Variants in CLCN4 observed in about 807,000 individuals in gnomAD.
CLCN4 encodes the protein Cl-/H+ antiporter 4, also known as H(+)/Cl(-) exchange transporter 4.
CLCN4 carries 1 observed loss-of-function variant against 41.7 expected under a neutral mutation model. The observed-to-expected ratio is 0.02, with a 90% CI of 0.01 to 0.11. The LOEUF (loss-of-function observed/expected upper bound fraction) is 0.11. Ranked by LOEUF, CLCN4 falls within the 10% of genes least tolerant of loss-of-function variation. The pLI is 1.00. For synonymous variants in CLCN4, 277 were observed against 285.8 expected, an observed-to-expected ratio of 0.97 and a Z score of 0.31; for missense variants, 287 against 661.0, an observed-to-expected ratio of 0.43 and a Z score of 6.20.
Position 10,185,045 on chromosome X carries a change from G to T in CLCN4, c.13G>T (p.Gly5Ter). 8.3e-7 allele frequency: 1 copy of T among 1,207,835 alleles called. No individual in the cohort carries two copies. Among genetic ancestry groups the T allele is most frequent in the South Asian group, 1.8e-5 (1 of 56,466 alleles). The part of the protein sequence containing the change: MVNA[G>*]AMSGSGNLMD... ...AGGTGTAATTAGCATGGTCAATGCG[G>T]GAGCGATGAGTGGCTCTGGAAACCT... The change falls in exon 3 of 13, where the codon GGA (glycine) becomes TGA (stop). Residue 5 changes from glycine to a stop codon, truncating the protein, a stop_gained. Transcript: ENST00000380833. LOFTEE classifies it high-confidence loss of function.
intron 2 of CLCN4, among the ~76,000 whole-genome samples, chrX:10,167,186 G>A (rs1923273193): frequency 8.9e-6 from 1 of 112,223 alleles, no homozygotes; most frequent in Admixed American, 9.4e-5. Flanking sequence ...CCTTGGTCGT[G>A]TGGCCCTCCA....
intron 2 of CLCN4, among the ~76,000 whole-genome samples, chrX:10,169,791 C>T (rs200651321): frequency 0.13 from 7,627 of 58,291 alleles, 274 homozygotes; most frequent in Middle Eastern, 0.21. Context: ...CTTTTCTTTT[C>T]TTTTTTTTTT....
intron 6 of CLCN4, among the ~76,000 whole-genome samples, chrX:10,206,011 CAA>C (rs1924378838): frequency 9.1e-6 from 1 of 110,490 alleles, no homozygotes; most frequent in African/African-American, 3.3e-5. Flanking sequence ...ATTTCAGAGT[CAA>C]AAGTTAACAG....
At chrX:10,221,783 C>T (rs1209851242) in intron 12 of CLCN4, among the ~76,000 whole-genome samples, 2 of 112,395 alleles carry the variant, frequency 1.8e-5, no homozygotes, top group Non-Finnish European at 3.8e-5. Flanking sequence ...CAAGCTGTGC[C>T]ACTTCCGAAT....
At position 10,235,542 on chromosome X, in the gene CLCN4, C is replaced by T. The variant is rs967748288; in HGVS notation, c.*1958C>T. On this transcript the variant is annotated 3_prime_UTR_variant, in exon 13 of 13. Coordinates refer to ENST00000380833, the MANE Select transcript of CLCN4 (RefSeq NM_001830.4). ...TAAACCCCTGTGAATGTTCTTCTAA[C>T]CTTCCTGTTCCCCACCCCTTTTCTC... The T allele has an allele frequency of 7.2e-5, 8 of 111,827 alleles. No homozygotes were observed. Among genetic ancestry groups the T allele is most frequent in the African/African-American group, 2.6e-4 (8 of 30,758 alleles). 9.2% of individuals were successfully genotyped at this position (111,827 alleles called of 1,213,427 possible). A position where few individuals can be genotyped will look rare whatever the true frequency, so the allele number is the denominator to read the frequency against.
chrX:10,185,916 G>A (rs1923799024), intron 3 of CLCN4, among the ~76,000 whole-genome samples: 1 of 111,605 alleles, frequency 9.0e-6, no homozygotes, highest in African/African-American at 3.3e-5. Context: ...ATAAAGATGC[G>A]CTGCAAAGGG....
chrX:10,195,330 T>C (rs1414628715), intron 5 of CLCN4, among the ~76,000 whole-genome samples: 3 of 111,055 alleles, frequency 2.7e-5, no homozygotes, highest in Non-Finnish European at 5.7e-5. Context: ...TATATATATA[T>C]ACACTTTAAG....
chrX:10,208,680 A>G (rs1602157647), intron 9 of CLCN4, 90 bp downstream of exon 9: 2 of 846,284 alleles, frequency 2.4e-6, no homozygotes, highest in East Asian at 6.4e-5. Context: ...GGTGGGAAAA[A>G]AAGGGGAACT....
chrX:10,183,031 CTT>C (rs1923724906), intron 2 of CLCN4, among the ~76,000 whole-genome samples: 1 of 112,123 alleles, frequency 8.9e-6, no homozygotes, highest in African/African-American at 3.2e-5. Context: ...CAAGGGCTCT[CTT>C]GGAGGGTCAA....
intron 2 of CLCN4, among the ~76,000 whole-genome samples, chrX:10,174,244 C>T (rs1602140459): frequency 8.9e-6 from 1 of 112,286 alleles, no homozygotes; most frequent in Admixed American, 9.4e-5. Flanking sequence ...GCATGGGTCC[C>T]ACGCTCATCC....
intron 11 of CLCN4, among the ~76,000 whole-genome samples, chrX:10,214,341 G>A (rs1924650879): frequency 8.9e-6 from 1 of 112,788 alleles, no homozygotes; most frequent in African/African-American, 3.2e-5. Context: ...TAAGGAAAAA[G>A]GCTTTAAACC....
intron 2 of CLCN4, among the ~76,000 whole-genome samples, chrX:10,166,418 G>C (rs767425683): frequency 5.4e-5 from 6 of 111,798 alleles, no homozygotes; most frequent in Non-Finnish European, 1.1e-4. Flanking sequence ...GGATGCATGA[G>C]AGCGCGACCC....
At chrX:10,211,710 C>T (rs182186990) in intron 9 of CLCN4, among the ~76,000 whole-genome samples, 26 of 111,853 alleles carry the variant, frequency 2.3e-4, no homozygotes, top group African/African-American at 8.1e-4. Context: ...GTCATTTCAG[C>T]GAACACAGGG....
In CLCN4 at chrX:10,217,278, T is replaced by C. The variant is rs147468617; in HGVS notation, c.1975+3199T>C. On this transcript the variant is annotated intron_variant, in intron 11 of 12. Coordinates refer to ENST00000380833, the MANE Select transcript of CLCN4 (RefSeq NM_001830.4). ...ACCATGCCTGGCTAAGCATTTTTAA[T>C]TAACAGGATGATAGACTATTACTTC... Among the ~76,000 whole-genome samples the C allele has an allele frequency of 1.1e-3, 122 of 109,876 alleles. 1 individual carries two copies. Among genetic ancestry groups the C allele is most frequent in the Non-Finnish European group, 2.2e-3 (117 of 52,690 alleles).
intron 10 of CLCN4, 92 bp from the exon 11 acceptor site, chrX:10,213,589 A>T: frequency 1.2e-6 from 1 of 842,940 alleles, no homozygotes; most frequent in South Asian, 2.3e-5. Context: ...GTGTGAGGGG[A>T]ATTTACAGCC....
intron 12 of CLCN4, among the ~76,000 whole-genome samples, chrX:10,228,624 C>T (rs139052312): frequency 1.4e-4 from 16 of 111,482 alleles, no homozygotes; most frequent in African/African-American, 3.3e-4. Flanking sequence ...CCCATGCTGA[C>T]GGTGTATTAT....
intron 2 of CLCN4, among the ~76,000 whole-genome samples, chrX:10,163,879 G>A (rs1308304581): frequency 1.8e-5 from 2 of 112,438 alleles, no homozygotes; most frequent in African/African-American, 6.5e-5. Flanking sequence ...CTAGATGCCA[G>A]TGGCACCCCA....
rs770837461 is a variant in CLCN4 at position 10,206,570 on chromosome X, C to T, written c.762+6C>T. ...ATGAGGGCAAGAGGCGGGAGGTGAG[C>T]CAGCTCAGCTTCCATCTGCAGCGAA... On this transcript the variant is annotated splice_donor_region_variant and intron_variant, in intron 7 of 12. Transcript: ENST00000380833. The T allele has an allele frequency of 8.3e-7, 1 of 1,208,183 alleles. No individual in the cohort carries two copies. The highest frequency in any genetic ancestry group is 1.1e-6 in the Non-Finnish European group (1 of 892,635).
At chrX:10,159,460 C>A (rs758447873) in intron 2 of CLCN4, among the ~76,000 whole-genome samples, 32 of 110,247 alleles carry the variant, frequency 2.9e-4, no homozygotes, top group Non-Finnish European at 3.8e-4. Flanking sequence ...CGTTTACATG[C>A]CTTTCTCGGG....
Sources: gnomAD v4.1 joint callset for allele counts (sites outside exome capture counted in the v4.1 genomes callset) on GRCh38, gnomAD v4.1.1 for gene constraint, MANE v1.5 for transcripts, NCBI Gene and HGNC (gene_info 2026-07-23, HGNC 2026-07-21) for gene names.